The following SLX4 variants were observed in gnomAD, a reference collection of about 807,000 sequenced individuals.
SLX4 encodes the protein SLX4 structure-specific endonuclease subunit.
A neutral mutation model predicts 146.2 loss-of-function variants in SLX4; 112 were observed. That is an observed-to-expected ratio of 0.77 (90% CI 0.66 to 0.90). The LOEUF is 0.90. SLX4 is among the 40% of genes least tolerant of loss of function. The pLI is 0.00. For synonymous variants in SLX4, 1,061 were observed against 997.7 expected (o/e 1.06, Z -1.20); for missense variants, 2,563 against 2,392.7 (o/e 1.07, Z -1.49).
chr16:3,583,000 T>C, intron 14 of SLX4, 97 bp downstream of exon 14: 1 of 1,492,060 alleles, frequency 6.7e-7, no homozygotes, highest in South Asian at 1.1e-5. Context: ...ACGGGGGTTT[T>C]TGAAGATTGG....
chr16:3,594,367 G>A, intron 10 of SLX4, 86 bp downstream of exon 10: 1 of 1,542,654 alleles, frequency 6.5e-7, no homozygotes, highest in Admixed American at 2.0e-5. Flanking sequence ...AAGGGCACCT[G>A]AGACATGGGA....
Position 3,592,802 on chromosome 16 carries a change from C to T in SLX4, c.2224G>A (p.Asp742Asn). The T allele has an allele frequency of 6.2e-7, 1 of 1,612,572 alleles. No individual in the cohort carries two copies. ...GVLTQRVLLG[D>N]VSTEAARTFL... Reference sequence around the variant, plus strand: ...GTGCGGGCGGCCTCGGTGCTCACGTCACCCAGCAGGACACGCTGGGTCAGA... The same window carrying T: ...GTGCGGGCGGCCTCGGTGCTCACGTTACCCAGCAGGACACGCTGGGTCAGA... Residue 742 changes from aspartate to asparagine, a missense_variant, in exon 11 of 15, where the codon GAC becomes AAC. Transcript: ENST00000294008.
Position 3,608,480 on chromosome 16 carries a change from G to A in SLX4, c.485C>T (p.Thr162Met), listed in dbSNP as rs140876043. ...TGGCGATGGTTCTTGCTGGTTACCC[G>A]TCTGGGTGTTTTGTGCTGTTTCCCG... ...VLRETAQNTQ[T>M]GNQQEPSPNL... Residue 162 changes from threonine to methionine, a missense_variant, in exon 2 of 15, where the codon ACG becomes ATG. Transcript: ENST00000294008. 6.1e-5 allele frequency: 99 copies of A among 1,614,054 alleles called. 1 individual carries two copies. The East Asian group carries it at 7.3e-4, about 12-fold the overall frequency.
chr16:3,605,456 C>A (rs754037620), intron 3 of SLX4, among the ~76,000 whole-genome samples: 1 of 152,004 alleles, frequency 6.6e-6, no homozygotes, highest in Non-Finnish European at 1.5e-5. Flanking sequence ...CTTGTGACCT[C>A]AAGTAGTCCT....
At position 3,589,788 on chromosome 16, in the gene SLX4, C is replaced by T. The variant is rs373107728; in HGVS notation, c.3850G>A (p.Val1284Met). 135 of 1,613,374 alleles carry T rather than the reference C, an allele frequency of 8.4e-5. 1 individual carries two copies. The highest frequency in any genetic ancestry group is 9.9e-5 in the South Asian group (9 of 91,070). The change falls in exon 12 of 15, where the codon GTG becomes ATG. Residue 1284 changes from valine to methionine, a missense_variant. Physicochemically the swap from Val to Met is conservative, Grantham distance 21. Transcript: ENST00000294008. The surrounding 1 kb of genome is among the most constrained non-coding windows in gnomAD (Gnocchi z 6.2). ...GGCGTGTGCTGAGTCACCGCCTGCA[C>T]GGCCAGCCCGCTCCTGAGGCTGCTG... is the stretch of plus-strand genomic sequence containing the variant. ...QISSLRSGLAVQAVTQHTPRA... is the reference protein window; with the variant it reads ...QISSLRSGLAMQAVTQHTPRA...
rs2040812493 is a variant in SLX4 at position 3,608,577 on chromosome 16, C to T, written c.388G>A (p.Ala130Thr). ...TKKQRVTKWQ[A>T]SEPAHSVNGE... is the part of the protein sequence containing the mutation. ...TTCACAGAGTGGGCCGGTTCACTTG[C>T]TTGCCATTTGGTTACCCTTTGCTTT... The change falls in exon 2 of 15, where the codon GCA becomes ACA. Residue 130 changes from alanine to threonine, a missense_variant. Physicochemically the swap from Ala to Thr is moderately conservative, Grantham distance 58. Coordinates refer to ENST00000294008, the MANE Select transcript of SLX4 (RefSeq NM_032444.4). 5.6e-6 allele frequency: 9 copies of T among 1,614,164 alleles called. No individual in the cohort carries two copies. The highest frequency in any genetic ancestry group is 7.6e-6 in the Non-Finnish European group (9 of 1,180,028).
chr16:3,581,954 A>C lies in SLX4; in HGVS notation c.*388T>G. 3.8e-6 allele frequency: 1 copy of C among 262,718 alleles called. No homozygotes were observed. The highest frequency in any genetic ancestry group is 7.4e-6 in the Non-Finnish European group (1 of 134,314). The allele number at this position is 262,718 out of a possible 1,614,324, so 16.3% of individuals were successfully genotyped here. A position where few individuals can be genotyped will look rare whatever the true frequency, so the allele number is the denominator to read the frequency against. On this transcript the variant is annotated 3_prime_UTR_variant, in exon 15 of 15. Coordinates refer to ENST00000294008, the MANE Select transcript of SLX4 (RefSeq NM_032444.4). The stretch of plus-strand genomic sequence containing the variant: ...GCTATCTGGGAGGCTGAGGCAGGAG[A>C]ATTGCTTGAACCCGGGAGGCGGAGG...
intron 10 of SLX4, among the ~76,000 whole-genome samples, chr16:3,594,088 T>C (rs1268379344): frequency 3.3e-5 from 5 of 152,030 alleles, no homozygotes; most frequent in South Asian, 2.1e-4. Flanking sequence ...AGGATGGTCT[T>C]GATCTCCTGA....
intron 13 of SLX4, among the ~76,000 whole-genome samples, chr16:3,584,178 T>C (rs1436913012): frequency 6.6e-6 from 1 of 152,032 alleles, no homozygotes; most frequent in Non-Finnish European, 1.5e-5. Context: ...ATCCCAGCAT[T>C]TTGGGAAGCC....
intron 5 of SLX4, among the ~76,000 whole-genome samples, chr16:3,598,490 C>T (rs1041340391): frequency 6.6e-6 from 1 of 152,196 alleles, no homozygotes; most frequent in Admixed American, 6.5e-5. Flanking sequence ...CTTAGGCTGC[C>T]GATGGTCAAC....
rs2040554954 is a variant in SLX4 at position 3,589,625 on chromosome 16, T to C, written c.4013A>G (p.Gln1338Arg). The change falls in exon 12 of 15, where the codon CAA (glutamine) becomes CGA (arginine). Residue 1338 changes from glutamine (Q) to arginine (R), a missense_variant. By Grantham distance (43) the Gln-to-Arg change is conservative. Transcript: ENST00000294008. This position sits in a 1 kb window ranked among gnomAD's most constrained non-coding sequence, Gnocchi z 6.2. ...GGGACGGGAAGGGCTTCTGTGGCCT[T>C]GCCTTCTGCCGTCAGAAGTTCCTGG... ...VSPGTSDGRR[Q>R]GHRSPSRPHP... The C allele has an allele frequency of 6.2e-7, 1 of 1,613,920 alleles. No individual in the cohort carries two copies.
At chr16:3,611,389 G>A (rs1246940985) in intron 1 of SLX4, among the ~76,000 whole-genome samples, 171 bp downstream of exon 1, 1 of 152,254 alleles carries the variant, frequency 6.6e-6, no homozygotes, top group African/African-American at 2.4e-5. Flanking sequence ...CTCCACCCGA[G>A]TGCGGCTCCT....
At chr16:3,607,514 C>A (rs2040800129) in intron 2 of SLX4, among the ~76,000 whole-genome samples, 1 of 152,082 alleles carries the variant, frequency 6.6e-6, no homozygotes, top group Non-Finnish European at 1.5e-5. Context: ...GGCAAGAAAA[C>A]TGCTTTAAAC....
intron 11 of SLX4, among the ~76,000 whole-genome samples, chr16:3,591,518 A>G (rs2073022845): frequency 6.6e-6 from 1 of 152,164 alleles, no homozygotes; most frequent in African/African-American, 2.4e-5. Context: ...CAACACTTAA[A>G]GCAGGGCTTC....
Position 3,582,105 on chromosome 16 carries a change from C to A in SLX4, c.*237G>T. On this transcript the variant is annotated 3_prime_UTR_variant, in exon 15 of 15. Coordinates refer to ENST00000294008, the MANE Select transcript of SLX4 (RefSeq NM_032444.4). Reference sequence around the variant, plus strand: ...CTGTGAGCACGGACAGAGGAAGGGGCTGGAGTCTGTAAATCCAGTGGGTGA... The same window carrying A: ...CTGTGAGCACGGACAGAGGAAGGGGATGGAGTCTGTAAATCCAGTGGGTGA... 1.7e-6 allele frequency: 1 copy of A among 592,462 alleles called. No individual in the cohort carries two copies. The highest frequency in any genetic ancestry group is 3.0e-6 in the Non-Finnish European group (1 of 332,416). 36.7% of individuals were successfully genotyped at this position (592,462 alleles called of 1,614,324 possible). A position where few individuals can be genotyped will look rare whatever the true frequency, so the allele number is the denominator to read the frequency against.
intron 12 of SLX4, among the ~76,000 whole-genome samples, chr16:3,586,659 A>G (rs1215511206): frequency 6.6e-6 from 1 of 152,018 alleles, no homozygotes; most frequent in African/African-American, 2.4e-5. Context: ...AAAAATACAA[A>G]AAAATTAGCC....
Position 3,589,105 on chromosome 16 carries a change from C to G in SLX4, c.4533G>C (p.Trp1511Cys). 1 of 1,614,130 alleles carries G rather than the reference C, an allele frequency of 6.2e-7. No individual in the cohort carries two copies. The highest frequency in any genetic ancestry group is 8.5e-7 in the Non-Finnish European group (1 of 1,180,046). The stretch of plus-strand genomic sequence containing the variant: ...TCTGCTCTTCCCCGTCCCAAACGTC[C>G]CACAGAGCCGAATTCAGAAAGCTCG... Reference protein sequence around the residue: ...SRPSFLNSALWDVWDGEEQRP... With the variant: ...SRPSFLNSALCDVWDGEEQRP... Residue 1511 changes from tryptophan (W) to cysteine (C), a missense_variant, in exon 12 of 15, where the codon TGG (tryptophan) becomes TGC (cysteine). By Grantham distance (215) the Trp-to-Cys change is radical. Transcript: ENST00000294008. The surrounding 1 kb of genome is among the most constrained non-coding windows in gnomAD (Gnocchi z 6.2).
chr16:3,584,758 A>C lies in SLX4; in HGVS notation c.4739+11T>G. On this transcript the variant is annotated intron_variant, in intron 13 of 14. Transcript: ENST00000294008. ...GACCACTGTGGGCAACAAGCTTTGA[A>C]GACCGCCAACCTATCCAGTTCCTTC... The C allele has an allele frequency of 6.2e-7, 1 of 1,606,288 alleles. No homozygotes were observed. Among genetic ancestry groups the C allele is most frequent in the Non-Finnish European group, 8.5e-7 (1 of 1,172,962 alleles).
intron 12 of SLX4, among the ~76,000 whole-genome samples, chr16:3,586,147 C>T (rs200812035): frequency 4.6e-5 from 7 of 152,066 alleles, no homozygotes; most frequent in Non-Finnish European, 2.9e-5. Context: ...CTCCTAAGTA[C>T]AGAACCAAGA....
Sources: allele counts gnomAD v4.1 joint callset (sites outside exome capture counted in the v4.1 genomes callset), GRCh38; gene constraint gnomAD v4.1.1; non-coding constraint Gnocchi (gnomAD v3.1); transcripts MANE v1.5; gene names NCBI Gene and HGNC (gene_info 2026-07-23, HGNC 2026-07-21).